PRORP: variants seen among roughly 807,000 people sequenced by gnomAD.
The protein encoded by PRORP is mitochondrial ribonuclease P catalytic subunit.
A neutral mutation model predicts 59.4 loss-of-function variants in PRORP; 51 were observed. The observed-to-expected ratio is 0.86, with a 90% CI of 0.69 to 1.08. The LOEUF (loss-of-function observed/expected upper bound fraction) is 1.08. PRORP is among the 50% of genes least tolerant of loss of function. PRORP has a pLI of 0.00. For missense variants in PRORP, 646 were observed against 690.3 expected (o/e 0.94, Z 0.72); for synonymous variants, 231 against 245.6 (o/e 0.94, Z 0.55).
chr14:35,182,569 C>T (rs959054726), intron 5 of PRORP, among the ~76,000 whole-genome samples: 2 of 152,048 alleles, frequency 1.3e-5, no homozygotes, highest in South Asian at 2.1e-4. Flanking sequence ...TGCTTGAACC[C>T]GGGAGGTGGA....
At chr14:35,167,790 C>T (rs942631611) in intron 4 of PRORP, among the ~76,000 whole-genome samples, 2 of 152,054 alleles carry the variant, frequency 1.3e-5, no homozygotes, top group East Asian at 1.9e-4. Context: ...GCTTTAATAC[C>T]GAATTCACAA....
chr14:35,129,759 G>A (rs568529650), intron 4 of PRORP, among the ~76,000 whole-genome samples: 6 of 151,678 alleles, frequency 4.0e-5, no homozygotes, highest in Non-Finnish European at 5.9e-5. Flanking sequence ...GATTATAGGC[G>A]TAAGCCACCG....
intron 4 of PRORP, among the ~76,000 whole-genome samples, chr14:35,150,580 C>T (rs1336403262): frequency 2.6e-5 from 4 of 152,156 alleles, no homozygotes; most frequent in Non-Finnish European, 4.4e-5. Context: ...CAAATGTTTT[C>T]CTTATTTCTT....
rs193257213 is a variant in PRORP, at chr14:35,260,185, T to C, written c.1276-6542T>C. Among the ~76,000 whole-genome samples, 381 of 152,088 alleles carry C rather than the reference T, an allele frequency of 2.5e-3. 1 individual carries two copies. Among genetic ancestry groups the C allele is most frequent in the African/African-American group, 8.7e-3 (361 of 41,522 alleles). On this transcript the variant is annotated intron_variant, in intron 5 of 7. Transcript: ENST00000534898. ...CACCACCATCCCCAACTAATGTTTTTTATTTTTAGTAGAGACAAAATCTTG... is the reference window on the plus strand; with the variant it reads ...CACCACCATCCCCAACTAATGTTTTCTATTTTTAGTAGAGACAAAATCTTG...
intron 4 of PRORP, among the ~76,000 whole-genome samples, chr14:35,135,937 G>A (rs529632602): frequency 7.6e-4 from 113 of 148,038 alleles, no homozygotes; most frequent in African/African-American, 2.6e-3. Context: ...CAGCCTGGGC[G>A]TCAGAGCAAG....
intron 5 of PRORP, chr14:35,235,375 G>A: frequency 1.4e-6 from 1 of 701,872 alleles, no homozygotes; most frequent in Non-Finnish European, 2.6e-6. Flanking sequence ...AGTTGACAGT[G>A]GTGCAGGTCT....
chr14:35,228,315 T>C (rs1281580305), intron 5 of PRORP, among the ~76,000 whole-genome samples: 2 of 152,224 alleles, frequency 1.3e-5, no homozygotes, highest in African/African-American at 4.8e-5. Context: ...TTTCAACTTC[T>C]GTTTTAGATT....
chr14:35,130,560 C>T lies in PRORP; in HGVS notation c.1167+2949C>T, dbSNP rs530725129. ...GGAGTGGCACGATCTCAGCTCACTC[C>T]AACCTCCGCCCCCACTGGGTTCAAG... On this transcript the variant is annotated intron_variant, in intron 4 of 7. Transcript: ENST00000534898. Among the ~76,000 whole-genome samples the T allele has an allele frequency of 4.6e-5, 7 of 151,796 alleles. No individual in the cohort carries two copies. The East Asian group carries it at 1.4e-3, about 30-fold the overall frequency.
chr14:35,243,703 G>T (rs766591912), intron 5 of PRORP, among the ~76,000 whole-genome samples: 1 of 152,138 alleles, frequency 6.6e-6, no homozygotes, highest in African/African-American at 2.4e-5. Flanking sequence ...CTACTTACTG[G>T]CCTGTAACTT....
At chr14:35,273,054 C>T (rs1346905599) in intron 7 of PRORP, among the ~76,000 whole-genome samples, 5 of 151,920 alleles carry the variant, frequency 3.3e-5, no homozygotes, top group South Asian at 2.1e-4. Context: ...TGTTTTGTTT[C>T]GTTTTGTTTT....
At chr14:35,189,303 G>A (rs1321966376) in intron 5 of PRORP, among the ~76,000 whole-genome samples, 4 of 152,058 alleles carry the variant, frequency 2.6e-5, no homozygotes, top group Admixed American at 2.0e-4. Context: ...AAACCCCTGG[G>A]CTCAAGTGAT....
chr14:35,197,391 A>G (rs2049035314), intron 5 of PRORP, among the ~76,000 whole-genome samples: 1 of 152,150 alleles, frequency 6.6e-6, no homozygotes, highest in Admixed American at 6.5e-5. Flanking sequence ...TGAGTAGTAA[A>G]TTTACTTAAA....
At chr14:35,190,591 C>T (rs149218963) in intron 5 of PRORP, among the ~76,000 whole-genome samples, 5,918 of 151,968 alleles carry the variant, frequency 0.039, 157 homozygotes, top group Non-Finnish European at 0.055. Context: ...TTGCAACCTC[C>T]GCCTCCGGAG....
chr14:35,226,567 T>C (rs2049939540), intron 5 of PRORP, among the ~76,000 whole-genome samples: 1 of 152,170 alleles, frequency 6.6e-6, no homozygotes, highest in Non-Finnish European at 1.5e-5. Flanking sequence ...AATAAAGTAG[T>C]ACTTTGGAGA....
At chr14:35,235,528 G>T (rs144665498) in intron 5 of PRORP, 2 of 587,130 alleles carry the variant, frequency 3.4e-6, no homozygotes, top group East Asian at 3.8e-5. Flanking sequence ...GAGCCTTCTT[G>T]TTCTCCTCCA....
intron 4 of PRORP, among the ~76,000 whole-genome samples, chr14:35,172,966 C>G (rs1340193345): frequency 1.3e-5 from 2 of 151,774 alleles, no homozygotes; most frequent in Non-Finnish European, 2.9e-5. Flanking sequence ...TTCCCAAGAT[C>G]AAGCAATTCT....
rs1415851300 is a variant in PRORP at position 35,145,831 on chromosome 14, ATTTT to A, written c.1167+18224_1167+18227del. 3.5e-3 allele frequency among the ~76,000 whole-genome samples: 397 copies of A among 112,394 alleles called. 22 individuals carry two copies. The highest frequency in any genetic ancestry group is 7.6e-3 in the African/African-American group (288 of 37,812). 73.7% of individuals were successfully genotyped at this position (112,394 alleles called of 152,430 possible). A position where few individuals can be genotyped will look rare whatever the true frequency, so the allele number is the denominator to read the frequency against. On this transcript the variant is annotated intron_variant, in intron 4 of 7. Transcript: ENST00000534898. ...TATTTATTTATTTATTTATTTATTT[ATTTT>A]TTTATTTTTTGAGACAGAGTTTTGT...
At chr14:35,174,162 T>A (rs2048386566) in intron 4 of PRORP, among the ~76,000 whole-genome samples, 1 of 152,040 alleles carries the variant, frequency 6.6e-6, no homozygotes, top group South Asian at 2.1e-4. Context: ...GTATTAGACA[T>A]CACCTTTTGA....
chr14:35,136,954 A>G (rs754031101), intron 4 of PRORP, among the ~76,000 whole-genome samples: 1 of 145,744 alleles, frequency 6.9e-6, no homozygotes. Context: ...TATTCAGTAC[A>G]GTGTCACAAA....
Sources: gnomAD v4.1 joint callset for allele counts (sites outside exome capture counted in the v4.1 genomes callset) on GRCh38, gnomAD v4.1.1 for gene constraint, MANE v1.5 for transcripts, NCBI Gene and HGNC (gene_info 2026-07-23, HGNC 2026-07-21) for gene names.